Variants in QTMAN observed in about 807,000 individuals in gnomAD.
QTMAN encodes tRNA-queuosine alpha-mannosyltransferase.
the QTMAN span, among the ~76,000 whole-genome samples, chr2:144,092,856 A>G: frequency 1.4e-5 from 2 of 145,050 alleles, no homozygotes; most frequent in South Asian, 4.4e-4. Context: ...CAAGTTGAAT[A>G]AATAAACTTT....
chr2:144,041,763 G>C, the QTMAN span, among the ~76,000 whole-genome samples: 1 of 152,160 alleles, frequency 6.6e-6, no homozygotes, highest in Non-Finnish European at 1.5e-5. Context: ...TGTAGGAGAG[G>C]AACAGGAGCC....
the QTMAN span, among the ~76,000 whole-genome samples, chr2:144,070,175 G>T: frequency 1.3e-5 from 2 of 151,978 alleles, no homozygotes; most frequent in East Asian, 3.8e-4. Context: ...AATAAATGTT[G>T]AATGTAATTG....
the QTMAN span, among the ~76,000 whole-genome samples, chr2:144,124,949 A>G: frequency 6.6e-6 from 1 of 152,266 alleles, no homozygotes; most frequent in East Asian, 1.9e-4. Flanking sequence ...ATATGTCTGG[A>G]AGAGTAATTA....
chr2:144,041,473 G>A, the QTMAN span, among the ~76,000 whole-genome samples: 1 of 152,124 alleles, frequency 6.6e-6, no homozygotes, highest in Non-Finnish European at 1.5e-5. Flanking sequence ...CACTCTCAGG[G>A]TCAATATGTA....
chr2:144,219,311 A>C, the QTMAN span, among the ~76,000 whole-genome samples: 1 of 152,022 alleles, frequency 6.6e-6, no homozygotes, highest in Non-Finnish European at 1.5e-5. Context: ...TTGTGTTTTT[A>C]GTAGAGACGG....
chr2:144,141,014 A>G, the QTMAN span, among the ~76,000 whole-genome samples: 1 of 152,050 alleles, frequency 6.6e-6, no homozygotes, highest in African/African-American at 2.4e-5. Flanking sequence ...TGTAGAACAC[A>G]GAAGTTAATG....
At chr2:144,021,128 T>C in the QTMAN span, among the ~76,000 whole-genome samples, 1 of 151,710 alleles carries the variant, frequency 6.6e-6, no homozygotes, top group African/African-American at 2.4e-5. Context: ...ATTGAGTTCC[T>C]AGAATAATAA....
chr2:144,253,802 T>G, the QTMAN span, among the ~76,000 whole-genome samples: 21 of 151,172 alleles, frequency 1.4e-4, no homozygotes, highest in African/African-American at 5.1e-4. Flanking sequence ...TCAAACCAGC[T>G]GCAGAAATTT....
the QTMAN span, among the ~76,000 whole-genome samples, chr2:144,275,930 C>A: frequency 6.6e-6 from 1 of 152,168 alleles, no homozygotes; most frequent in Non-Finnish European, 1.5e-5. Flanking sequence ...CTAACTATAA[C>A]AGGGATTCTC....
At chr2:144,297,382 C>G in the QTMAN span, among the ~76,000 whole-genome samples, 1 of 152,098 alleles carries the variant, frequency 6.6e-6, no homozygotes, top group East Asian at 1.9e-4. Context: ...TACACTTACT[C>G]AAGAATAAAT....
chr2:144,156,103 A>C, the QTMAN span, among the ~76,000 whole-genome samples: 1 of 152,010 alleles, frequency 6.6e-6, no homozygotes, highest in Admixed American at 6.6e-5. Flanking sequence ...TTTGCTTCCC[A>C]GTTTGCTTTA....
chr2:144,010,652 G>C, the QTMAN span, among the ~76,000 whole-genome samples: 1 of 151,992 alleles, frequency 6.6e-6, no homozygotes, highest in Admixed American at 6.6e-5. Flanking sequence ...GTCATCTGGG[G>C]CACCTGAGAA....
chr2:144,031,496 C>G, the QTMAN span, among the ~76,000 whole-genome samples: 2 of 152,064 alleles, frequency 1.3e-5, no homozygotes, highest in South Asian at 2.1e-4. Flanking sequence ...CACCAAGAAG[C>G]TTTTAAACTG....
At chr2:144,313,358 T>C in the QTMAN span, among the ~76,000 whole-genome samples, 6 of 152,298 alleles carry the variant, frequency 3.9e-5, no homozygotes, top group African/African-American at 1.2e-4. Flanking sequence ...TTAGCAAAAA[T>C]ACTGAAACAA....
the QTMAN span, among the ~76,000 whole-genome samples, chr2:144,173,664 T>C: frequency 2.6e-5 from 4 of 152,178 alleles, no homozygotes; most frequent in African/African-American, 9.6e-5. Flanking sequence ...TTGTGAGCAA[T>C]GGGCATGATT....
At chr2:144,092,262 G>A in the QTMAN span, among the ~76,000 whole-genome samples, 2 of 150,552 alleles carry the variant, frequency 1.3e-5, no homozygotes, top group Admixed American at 6.6e-5. Context: ...TGCAAGCTCC[G>A]CCTCCCAGGT....
the QTMAN span, among the ~76,000 whole-genome samples, chr2:144,192,045 A>G: frequency 2.0e-5 from 3 of 152,180 alleles, no homozygotes; most frequent in African/African-American, 7.2e-5. Context: ...AAATGAATGA[A>G]AAGATTTAGA....
chr2:144,077,555 T>C, the QTMAN span, among the ~76,000 whole-genome samples: 2 of 152,250 alleles, frequency 1.3e-5, no homozygotes, highest in African/African-American at 4.8e-5. Context: ...TATTATCCTA[T>C]GTGCTATCCT....
the QTMAN span, among the ~76,000 whole-genome samples, chr2:144,170,827 C>A: frequency 2.0e-5 from 3 of 152,072 alleles, no homozygotes; most frequent in Non-Finnish European, 4.4e-5. Context: ...CAAATTACGT[C>A]CTAGAAAGAC....
Sources: gnomAD v4.1 joint callset for allele counts (sites outside exome capture counted in the v4.1 genomes callset) on GRCh38, gnomAD v4.1.1 for gene constraint, MANE v1.5 for transcripts, NCBI Gene and HGNC (gene_info 2026-07-23, HGNC 2026-07-21) for gene names.